The following AFG2A variants were observed in gnomAD, a reference collection of about 807,000 sequenced individuals.
AFG2A encodes ATPase family gene 2 protein homolog A.
the AFG2A span, among the ~76,000 whole-genome samples, chr4:123,105,315 G>GA: frequency 4.0e-5 from 6 of 150,596 alleles, no homozygotes; most frequent in Admixed American, 1.3e-4. Flanking sequence ...TATTGCTGAG[G>GA]AAAAAAAAAG....
At chr4:123,007,568 A>ATGTGTGTGTG in the AFG2A span, among the ~76,000 whole-genome samples, 27 of 91,758 alleles carry the variant, frequency 2.9e-4, no homozygotes, top group Admixed American at 6.3e-4. Flanking sequence ...GTGTGTGTAT[A>ATGTGTGTGTG]TGTGTGTGTG....
At chr4:123,271,738 A>G in the AFG2A span, among the ~76,000 whole-genome samples, 4 of 152,118 alleles carry the variant, frequency 2.6e-5, no homozygotes, top group Non-Finnish European at 4.4e-5. Context: ...CCCATTGTTC[A>G]CGTGATGGAA....
At chr4:123,008,704 C>T in the AFG2A span, among the ~76,000 whole-genome samples, 1,837 of 152,080 alleles carry the variant, frequency 0.012, 43 homozygotes, top group African/African-American at 0.041. Context: ...TTTGATCCTA[C>T]AGAAAGAGGA....
chr4:123,127,926 G>A, the AFG2A span, among the ~76,000 whole-genome samples: 2 of 152,066 alleles, frequency 1.3e-5, no homozygotes, highest in African/African-American at 4.8e-5. Context: ...CTTCCTCCTG[G>A]AGGTTAAGCT....
the AFG2A span, among the ~76,000 whole-genome samples, chr4:123,173,190 A>C: frequency 6.6e-6 from 1 of 152,076 alleles, no homozygotes; most frequent in African/African-American, 2.4e-5. Context: ...TTAAAAATAA[A>C]AAAAAGCCAG....
the AFG2A span, among the ~76,000 whole-genome samples, chr4:123,049,762 C>T: frequency 6.6e-6 from 1 of 151,696 alleles, no homozygotes; most frequent in African/African-American, 2.4e-5. Context: ...TTTATGGTTT[C>T]AAAAATCAGC....
chr4:123,050,107 C>A, the AFG2A span, among the ~76,000 whole-genome samples: 1 of 151,806 alleles, frequency 6.6e-6, no homozygotes. Context: ...TGTACAGTTT[C>A]CAAAGTTGTT....
chr4:122,996,622 T>TAGATAGGA, the AFG2A span, among the ~76,000 whole-genome samples: 1 of 149,508 alleles, frequency 6.7e-6, no homozygotes, highest in Non-Finnish European at 1.5e-5. Context: ...GATAGATAGA[T>TAGATAGGA]AGGAGAGGAG....
At chr4:123,255,948 T>C in the AFG2A span, 1 of 1,572,498 alleles carries the variant, frequency 6.4e-7, no homozygotes, top group South Asian at 1.1e-5. Flanking sequence ...CATCTTTCCC[T>C]AGGTATCTTT....
the AFG2A span, among the ~76,000 whole-genome samples, chr4:123,204,389 A>G: frequency 6.6e-6 from 1 of 152,156 alleles, no homozygotes; most frequent in East Asian, 1.9e-4. Context: ...CCCTGCCAGC[A>G]TTTCATATTC....
the AFG2A span, among the ~76,000 whole-genome samples, chr4:123,148,626 GA>G: frequency 6.6e-6 from 1 of 152,174 alleles, no homozygotes; most frequent in Admixed American, 6.5e-5. Flanking sequence ...ACCACCACCA[GA>G]GCCTTTTCTA....
the AFG2A span, among the ~76,000 whole-genome samples, chr4:123,067,523 A>G: frequency 3.3e-5 from 5 of 152,166 alleles, no homozygotes; most frequent in African/African-American, 7.2e-5. Flanking sequence ...TCCCCCCCAA[A>G]AAAAAGAAAG....
the AFG2A span, among the ~76,000 whole-genome samples, chr4:123,034,180 A>G: frequency 6.6e-6 from 1 of 152,174 alleles, no homozygotes; most frequent in Admixed American, 6.5e-5. Flanking sequence ...AAACTCCCAA[A>G]TAAGGAGGGC....
At chr4:123,140,526 T>C in the AFG2A span, among the ~76,000 whole-genome samples, 1 of 151,920 alleles carries the variant, frequency 6.6e-6, no homozygotes, top group Non-Finnish European at 1.5e-5. Context: ...AGCGATTCTT[T>C]CTTGTAATGC....
At chr4:123,157,821 A>C in the AFG2A span, among the ~76,000 whole-genome samples, 1 of 152,232 alleles carries the variant, frequency 6.6e-6, no homozygotes. Context: ...ATAAAAGAAC[A>C]AAACCTATTC....
chr4:123,125,223 A>G, the AFG2A span, among the ~76,000 whole-genome samples: 2 of 152,220 alleles, frequency 1.3e-5, no homozygotes, highest in African/African-American at 2.4e-5. Flanking sequence ...TCCAGTAGAA[A>G]TTTGACTTCT....
At chr4:123,092,426 G>C in the AFG2A span, among the ~76,000 whole-genome samples, 38 of 152,022 alleles carry the variant, frequency 2.5e-4, no homozygotes, top group Non-Finnish European at 4.6e-4. Flanking sequence ...CCTAATGTTG[G>C]GTGTCCTCGA....
At chr4:122,955,898 G>T in the AFG2A span, among the ~76,000 whole-genome samples, 4 of 152,162 alleles carry the variant, frequency 2.6e-5, no homozygotes, top group African/African-American at 9.7e-5. Context: ...AGTGGGCCTG[G>T]TCGTAGAAAT....
the AFG2A span, among the ~76,000 whole-genome samples, chr4:123,137,055 G>A: frequency 1.4e-4 from 22 of 152,242 alleles, no homozygotes; most frequent in African/African-American, 5.3e-4. Context: ...AGCACACAAC[G>A]TAGATACCTT....
Sources: allele counts gnomAD v4.1 joint callset (sites outside exome capture counted in the v4.1 genomes callset), GRCh38; gene constraint gnomAD v4.1.1; transcripts MANE v1.5; gene names NCBI Gene and HGNC (gene_info 2026-07-23, HGNC 2026-07-21).